NPLOC4: variants seen among roughly 807,000 people sequenced by gnomAD.
The protein encoded by NPLOC4 is nuclear protein localization protein 4 homolog.
NPLOC4 carries 18 observed loss-of-function variants against 80.6 expected under a neutral mutation model. That is an observed-to-expected ratio of 0.22 (90% CI 0.15 to 0.33). The LOEUF is 0.33. NPLOC4 is among the 10% of genes least tolerant of loss of function. The probability of loss-of-function intolerance (pLI) is 1.00; values close to 1 mark genes in which losing one functional copy is unlikely to be tolerated. For synonymous variants in NPLOC4, 313 were observed against 301.5 expected (o/e 1.04, Z -0.39); for missense variants, 540 against 786.1 (o/e 0.69, Z 3.74).
intron 11 of NPLOC4, 138 bp from the exon 12 acceptor site, chr17:81,589,242 A>G (rs532270770): frequency 3.4e-5 from 25 of 736,632 alleles, no homozygotes; most frequent in Admixed American, 1.8e-4. Flanking sequence ...AAAAATGTTC[A>G]GTAGTCGGCC....
At chr17:81,576,337 G>A (rs943850157) in intron 12 of NPLOC4, among the ~76,000 whole-genome samples, 1 of 152,206 alleles carries the variant, frequency 6.6e-6, no homozygotes, top group African/African-American at 2.4e-5. Context: ...AACTGAGCAG[G>A]TCCACCTATA....
chr17:81,614,094 G>A (rs768181191), intron 3 of NPLOC4, among the ~76,000 whole-genome samples: 52 of 151,872 alleles, frequency 3.4e-4, no homozygotes, highest in Non-Finnish European at 6.0e-4. Context: ...GGCCAACAGG[G>A]TGAAATCTCG....
At chr17:81,618,012 T>C (rs1369716871) in intron 3 of NPLOC4, among the ~76,000 whole-genome samples, 3 of 152,132 alleles carry the variant, frequency 2.0e-5, no homozygotes, top group Non-Finnish European at 4.4e-5. Context: ...CGCTACAACC[T>C]CTACCTCCCA....
At chr17:81,593,689 C>T (rs1392183884) in intron 11 of NPLOC4, among the ~76,000 whole-genome samples, 1 of 151,970 alleles carries the variant, frequency 6.6e-6, no homozygotes, top group Non-Finnish European at 1.5e-5. Context: ...GGGGATGTGA[C>T]ACCGAGAAGA....
At chr17:81,626,187 G>A (rs1221363808) in intron 2 of NPLOC4, among the ~76,000 whole-genome samples, 6 of 149,310 alleles carry the variant, frequency 4.0e-5, no homozygotes, top group South Asian at 2.1e-4. Context: ...GAGCTGGCAC[G>A]TGCCTGTAAT....
At chr17:81,588,864 A>T in intron 12 of NPLOC4, 80 bp downstream of exon 12, 1 of 1,279,902 alleles carries the variant, frequency 7.8e-7, no homozygotes, top group Non-Finnish European at 1.1e-6. Flanking sequence ...TATAGGCAGA[A>T]TGCACCCAAA....
Position 81,558,495 on chromosome 17 carries a change from A to G in NPLOC4, c.*764T>C, listed in dbSNP as rs1367021261. ...ACTGGTGCCCCCGTCCACACTCATC[A>G]CCCTGGACACAACCTCGGGGGCTTC... On this transcript the variant is annotated 3_prime_UTR_variant, in exon 17 of 17. Transcript: ENST00000331134. 4 of 152,000 alleles carry G rather than the reference A, an allele frequency of 2.6e-5. No homozygotes were observed. Among genetic ancestry groups the G allele is most frequent in the African/African-American group, 9.7e-5 (4 of 41,354 alleles). 9.4% of individuals were successfully genotyped at this position (152,000 alleles called of 1,614,324 possible).
intron 1 of NPLOC4, 28 bp downstream of exon 1, chr17:81,636,888 C>A: frequency 7.1e-7 from 1 of 1,407,230 alleles, no homozygotes; most frequent in East Asian, 3.0e-5. Context: ...TCCCGGCGTC[C>A]CCGCTCCCGC....
intron 4 of NPLOC4, among the ~76,000 whole-genome samples, chr17:81,610,619 A>G (rs1161736963): frequency 6.6e-6 from 1 of 152,160 alleles, no homozygotes; most frequent in African/African-American, 2.4e-5. Context: ...ACTGACCCGC[A>G]CATCAAACCT....
At chr17:81,602,992 C>G (rs1427765076) in intron 8 of NPLOC4, among the ~76,000 whole-genome samples, 2 of 126,578 alleles carry the variant, frequency 1.6e-5, no homozygotes, top group East Asian at 1.9e-4. Context: ...CACACACACA[C>G]ACACACACAC....
At chr17:81,564,093 C>CAT in intron 16 of NPLOC4, 1 of 335,434 alleles carries the variant, frequency 3.0e-6, no homozygotes, top group African/African-American at 2.2e-5. Context: ...AACACACACA[C>CAT]ACACACACAC....
intron 16 of NPLOC4, chr17:81,563,635 G>A (rs2033918922): frequency 4.2e-6 from 1 of 236,694 alleles, no homozygotes; most frequent in Admixed American, 5.4e-5. Context: ...GCATCAAAGG[G>A]CTGGGTGCAG....
At position 81,577,190 on chromosome 17, in the gene NPLOC4, C is replaced by T. The variant is rs140393264; in HGVS notation, c.1282-5102G>A. 1.3e-5 allele frequency among the ~76,000 whole-genome samples: 2 copies of T among 152,176 alleles called. No individual in the cohort carries two copies. The highest frequency in any genetic ancestry group is 1.9e-4 in the East Asian group (1 of 5,160). On this transcript the variant is annotated intron_variant, in intron 12 of 16. Transcript: ENST00000331134. The surrounding 1 kb of genome is among the most constrained non-coding windows in gnomAD (Gnocchi z 4.3). ...TTGAAGGAACGCTGTTCCCTTGCTG[C>T]TCCTATGTCCCCTCAGCTCCCCACG... is the stretch of plus-strand genomic sequence containing the variant.
intron 3 of NPLOC4, among the ~76,000 whole-genome samples, chr17:81,617,164 G>A (rs931996826): frequency 3.3e-5 from 5 of 152,176 alleles, no homozygotes; most frequent in Non-Finnish European, 7.4e-5. Flanking sequence ...GGAGGCCAGC[G>A]GGCCAATGTG....
intron 2 of NPLOC4, among the ~76,000 whole-genome samples, chr17:81,624,007 G>A (rs187583899): frequency 8.0e-4 from 122 of 152,194 alleles, no homozygotes; most frequent in African/African-American, 1.8e-3. Flanking sequence ...GTTTCTGGCC[G>A]GGCGTGGTGG....
At chr17:81,618,347 C>T (rs1209736169) in intron 3 of NPLOC4, among the ~76,000 whole-genome samples, 8 of 150,536 alleles carry the variant, frequency 5.3e-5, no homozygotes, top group East Asian at 2.0e-4. Flanking sequence ...TGCCTGGCCG[C>T]GACCCCGTCT....
chr17:81,582,991 T>G (rs1055605697), intron 12 of NPLOC4, among the ~76,000 whole-genome samples: 1 of 152,266 alleles, frequency 6.6e-6, no homozygotes, highest in Non-Finnish European at 1.5e-5. Context: ...GCGCCGCCCC[T>G]GCGCACTCAC....
Position 81,565,145 on chromosome 17 carries a change from G to A in NPLOC4, c.1669+360C>T, listed in dbSNP as rs956781346. ...TAAGCACTAAAGGGAAATTCTCAAG[G>A]AGACCAAAAGGTCCCACGCTTCCGG... On this transcript the variant is annotated intron_variant, in intron 16 of 16. Transcript: ENST00000331134. The A allele has an allele frequency of 1.3e-4, 75 of 597,602 alleles. 2 individuals carry two copies. The Admixed American group carries it at 2.1e-3, about 17-fold the overall frequency. 37.0% of individuals were successfully genotyped at this position (597,602 alleles called of 1,614,324 possible). A position where few individuals can be genotyped will look rare whatever the true frequency, so the allele number is the denominator to read the frequency against.
In NPLOC4 at chr17:81,610,269, T is replaced by C; in HGVS notation, c.387-11A>G. On this transcript the variant is annotated splice_polypyrimidine_tract_variant and intron_variant, in intron 4 of 16. Transcript: ENST00000331134. ...GGGCCGTGGCGGCATCTGAGGAGAG[T>C]ACAAGGCAGAAAAAGGCAGAGCAGT... 1.3e-6 allele frequency: 2 copies of C among 1,567,136 alleles called. No homozygotes were observed. The highest frequency in any genetic ancestry group is 1.7e-6 in the Non-Finnish European group (2 of 1,156,408).
Sources: allele counts gnomAD v4.1 joint callset (sites outside exome capture counted in the v4.1 genomes callset), GRCh38; gene constraint gnomAD v4.1.1; non-coding constraint Gnocchi (gnomAD v3.1); transcripts MANE v1.5; gene names NCBI Gene and HGNC (gene_info 2026-07-23, HGNC 2026-07-21).